NDUFB2: variants seen among roughly 807,000 people sequenced by gnomAD.
The protein encoded by NDUFB2 is NADH:ubiquinone oxidoreductase subunit B2.
In NDUFB2, 13 loss-of-function variants were observed where a neutral mutation model predicts 13.4. That is an observed-to-expected ratio of 0.97 (90% CI 0.63 to 1.54). The LOEUF (loss-of-function observed/expected upper bound fraction) is 1.54, where lower values mean the gene tolerates loss of function less well. Among genes scored for constraint, NDUFB2 ranks in the 40% most tolerant of loss-of-function variants. The probability of loss-of-function intolerance (pLI) is 0.00; values close to 1 mark genes in which losing one functional copy is unlikely to be tolerated. For synonymous variants in NDUFB2, 47 were observed against 50.6 expected (o/e 0.93, Z 0.30); for missense variants, 150 against 139.7 (o/e 1.07, Z -0.37).
chr7:140,696,751 G>C lies in NDUFB2; in HGVS notation c.7G>C (p.Ala3Pro), dbSNP rs750707975. MS[A>P]LTRLASFARV... The stretch of plus-strand genomic sequence containing the variant: ...GGGGCGGACGGGAGCGAGTATGTCC[G>C]CTCTGACTCGGCTGGCGTCTTTCGC... The change falls in exon 1 of 4, where the codon GCT (alanine) becomes CCT (proline). Residue 3 changes from alanine to proline, a missense_variant. By Grantham distance (27) the Ala-to-Pro change is conservative. Coordinates refer to ENST00000247866, the MANE Select transcript of NDUFB2 (RefSeq NM_004546.3). The C allele has an allele frequency of 2.5e-6, 4 of 1,595,480 alleles. No individual in the cohort carries two copies. Among genetic ancestry groups the C allele is most frequent in the Admixed American group, 3.5e-5 (2 of 57,448 alleles).
chr7:140,705,110 T>C lies in NDUFB2; in HGVS notation c.*29+147T>C. 6.6e-6 allele frequency: 3 copies of C among 455,284 alleles called. 1 individual carries two copies. The allele number at this position is 455,284 out of a possible 1,614,324, so 28.2% of individuals were successfully genotyped here. On this transcript the variant is annotated intron_variant, in intron 3 of 3. Coordinates refer to ENST00000247866, the MANE Select transcript of NDUFB2 (RefSeq NM_004546.3). ...CCATGTCCTGTATCTGCTTTTTTTT[T>C]TTTTTTTGAGACAGAGTCTTGCTCT...
intron 1 of NDUFB2, chr7:140,700,867 C>G (rs1163194845): frequency 6.6e-6 from 1 of 151,714 alleles, no homozygotes; most frequent in Non-Finnish European, 1.5e-5. Flanking sequence ...TCTATATGCA[C>G]AGCTAGATCC....
In NDUFB2 at chr7:140,701,932, GCAAA is replaced by G. The variant is rs138650179; in HGVS notation, c.99-921_99-918del. The stretch of plus-strand genomic sequence containing the variant: ...GCCTGGGTGACAGAGTGAGACTCTC[GCAAA>G]CAAACAAACAAAGAAAACAAACAGT... On this transcript the variant is annotated intron_variant, in intron 1 of 3. Coordinates refer to ENST00000247866, the MANE Select transcript of NDUFB2 (RefSeq NM_004546.3). The G allele has an allele frequency of 9.3e-4, 573 of 618,164 alleles. 2 individuals are homozygous for G. The highest frequency in any genetic ancestry group is 2.9e-3 in the Admixed American group (121 of 41,262). The allele number at this position is 618,164 out of a possible 1,614,324, so 38.3% of individuals were successfully genotyped here.
intron 3 of NDUFB2, chr7:140,705,508 A>G (rs933868566): frequency 2.0e-5 from 3 of 151,930 alleles, no homozygotes; most frequent in Admixed American, 6.6e-5. Context: ...ACAGGGTGTC[A>G]CTATGTTGCC....
intron 3 of NDUFB2, chr7:140,706,065 G>GTTATGTTATA (rs1794967844): frequency 7.3e-6 from 1 of 137,686 alleles, no homozygotes; most frequent in Admixed American, 7.1e-5. Context: ...TATGTTTTAT[G>GTTATGTTATA]TTATGTTATG....
chr7:140,698,785 C>T (rs563416580), intron 1 of NDUFB2, among the ~76,000 whole-genome samples: 2 of 152,096 alleles, frequency 1.3e-5, no homozygotes, highest in Admixed American at 6.5e-5. Context: ...TTGGAGGACT[C>T]GGAATTTTAT....
In NDUFB2 at chr7:140,704,900, A is replaced by G; in HGVS notation, c.284A>G (p.Glu95Gly). The change falls in exon 3 of 4, where the codon GAA (glutamate) becomes GGA (glycine). Residue 95 changes from glutamate to glycine, a missense_variant. Coordinates refer to ENST00000247866, the MANE Select transcript of NDUFB2 (RefSeq NM_004546.3). Reference sequence around the variant, plus strand: ...CCTGATCCTTCCCAGTGGACAGATGAAGAATTAGGTATCCCTCCTGATGAT... The same window carrying G: ...CCTGATCCTTCCCAGTGGACAGATGGAGAATTAGGTATCCCTCCTGATGAT... Reference protein sequence around the residue: ...PYPDPSQWTDEELGIPPDDED With the variant: ...PYPDPSQWTDGELGIPPDDED The G allele has an allele frequency of 6.2e-7, 1 of 1,606,040 alleles. No individual in the cohort carries two copies. The highest frequency in any genetic ancestry group is 1.1e-5 in the South Asian group (1 of 89,392).
intron 1 of NDUFB2, chr7:140,697,341 T>C (rs1250548691): frequency 5.7e-6 from 4 of 702,632 alleles, no homozygotes; most frequent in African/African-American, 1.7e-5. Context: ...TGCTGAAAAA[T>C]CACTCTGGCT....
rs975827102 is a variant in NDUFB2, at chr7:140,696,725, C to A, written c.-20C>A. The A allele has an allele frequency of 1.3e-6, 2 of 1,567,866 alleles. No homozygotes were observed. The highest frequency in any genetic ancestry group is 1.7e-6 in the Non-Finnish European group (2 of 1,157,894). On this transcript the variant is annotated 5_prime_UTR_variant, in exon 1 of 4. Transcript: ENST00000247866. Reference sequence around the variant, plus strand: ...GCAGGGGCGAGGCGGCTGGGGACCGCGGGGCGGACGGGAGCGAGTATGTCC... The same window carrying A: ...GCAGGGGCGAGGCGGCTGGGGACCGAGGGGCGGACGGGAGCGAGTATGTCC...
At chr7:140,699,864 C>T (rs868688033) in intron 1 of NDUFB2, among the ~76,000 whole-genome samples, 14 of 148,716 alleles carry the variant, frequency 9.4e-5, no homozygotes, top group African/African-American at 3.5e-4. Flanking sequence ...ATCTAGTTTG[C>T]CACAATGCAG....
At chr7:140,697,165 G>C (rs1473047176) in intron 1 of NDUFB2, 3 of 597,678 alleles carry the variant, frequency 5.0e-6, no homozygotes, top group Non-Finnish European at 8.9e-6. Context: ...CCAGGCGGAG[G>C]AAGCAGCGTG....
Position 140,696,878 on chromosome 7 carries a change from C to T in NDUFB2, c.98+36C>T, listed in dbSNP as rs374088047. On this transcript the variant is annotated intron_variant, in intron 1 of 3. Transcript: ENST00000247866. ...GGCTGGGGATGGGGGCCTCGCCGGC[C>T]TGTAGCGGACAGCGCGGGTCCCTGG... 27 of 1,558,804 alleles carry T rather than the reference C, an allele frequency of 1.7e-5. No individual in the cohort carries two copies. The African/African-American group carries it at 2.7e-4, about 16-fold the overall frequency.
chr7:140,702,758 AG>A lies in NDUFB2; in HGVS notation c.99-107del, dbSNP rs2130801601. On this transcript the variant is annotated intron_variant, in intron 1 of 3. Transcript: ENST00000247866. Reference sequence around the variant, plus strand: ...TGAACTTCTGTCTATATTTCAGTGGAGATGAGAAACATTAGCGTTGGTTCTA... The same window carrying A: ...TGAACTTCTGTCTATATTTCAGTGGAATGAGAAACATTAGCGTTGGTTCTA... 6.5e-6 allele frequency: 8 copies of A among 1,234,142 alleles called. No individual in the cohort carries two copies. The South Asian group carries it at 1.2e-4, about 19-fold the overall frequency. 76.4% of individuals were successfully genotyped at this position (1,234,142 alleles called of 1,614,324 possible). A position where few individuals can be genotyped will look rare whatever the true frequency, so the allele number is the denominator to read the frequency against.
chr7:140,700,771 G>C (rs1372632651), intron 1 of NDUFB2: 1 of 149,808 alleles, frequency 6.7e-6, no homozygotes, highest in East Asian at 2.0e-4. Context: ...CTGGGTGACA[G>C]AGTGCGACTC....
chr7:140,701,230 G>C (rs1041940938), intron 1 of NDUFB2: 2 of 152,178 alleles, frequency 1.3e-5, no homozygotes, highest in Non-Finnish European at 2.9e-5. Context: ...TGTGTCTGTA[G>C]GCAACAGCTT....
At chr7:140,698,247 G>A in intron 1 of NDUFB2, 1 of 1,351,742 alleles carries the variant, frequency 7.4e-7, no homozygotes, top group Non-Finnish European at 9.8e-7. Flanking sequence ...GAGGAGATGG[G>A]GGAATGCCGA....
Position 140,702,965 on chromosome 7 carries a change from G to A in NDUFB2, c.198G>A (p.Trp66Ter). 1.2e-6 allele frequency: 2 copies of A among 1,613,950 alleles called. No homozygotes were observed. Among genetic ancestry groups the A allele is most frequent in the Non-Finnish European group, 1.7e-6 (2 of 1,180,020 alleles). Residue 66 changes from tryptophan to a stop codon, truncating the protein, a stop_gained, in exon 2 of 4, where the codon TGG (tryptophan) becomes TGA (stop). Transcript: ENST00000247866. LOFTEE classifies it high-confidence loss of function. The stretch of plus-strand genomic sequence containing the variant: ...GCGAGTTCTTCAGCGGACTCATGTG[G>A]TTCTGGATTCTCTGGCGCTTTTGGC... Reference protein sequence around the residue: ...FQSEFFSGLMWFWILWRFWHD... With the variant: ...FQSEFFSGLM
intron 2 of NDUFB2, 109 bp downstream of exon 2, chr7:140,703,119 C>A: frequency 7.5e-7 from 1 of 1,339,746 alleles, no homozygotes; most frequent in Non-Finnish European, 1.0e-6. Context: ...GGACATCGCC[C>A]TTTGCCACCA....
At chr7:140,705,026 T>A (rs764880784) in intron 3 of NDUFB2, 63 bp downstream of exon 3, 17 of 912,124 alleles carry the variant, frequency 1.9e-5, no homozygotes, top group Non-Finnish European at 2.7e-5. Flanking sequence ...TAGTTTTTAC[T>A]TTGTGCCTAT....
Sources: allele counts gnomAD v4.1 joint callset (sites outside exome capture counted in the v4.1 genomes callset), GRCh38; gene constraint gnomAD v4.1.1; transcripts MANE v1.5; gene names NCBI Gene and HGNC (gene_info 2026-07-23, HGNC 2026-07-21).